The following MTUS1 variants were observed in gnomAD, a reference collection of about 807,000 sequenced individuals.
MTUS1 encodes microtubule-associated tumor suppressor 1.
MTUS1 carries 109 observed loss-of-function variants against 120.8 expected under a neutral mutation model. The ratio of observed to expected loss-of-function variants is 0.90; its 90% CI spans 0.77 to 1.06. The LOEUF (loss-of-function observed/expected upper bound fraction) is 1.06. Ranked by LOEUF, MTUS1 falls within the 50% of genes least tolerant of loss-of-function variation. MTUS1 has a pLI of 0.00. For synonymous variants in MTUS1, 737 were observed against 550.5 expected (o/e 1.34, Z -4.74); for missense variants, 2,210 against 1,486.3 (o/e 1.49, Z -8.01).
At chr8:17,649,368 T>C (rs1284166948) in intron 13 of MTUS1, among the ~76,000 whole-genome samples, 3 of 152,188 alleles carry the variant, frequency 2.0e-5, no homozygotes, top group Non-Finnish European at 4.4e-5. Context: ...CACGATTCTT[T>C]TATCACATGC....
At position 17,743,698 on chromosome 8, in the gene MTUS1, G is replaced by A; in HGVS notation, c.2193C>T (p.Pro731=). 2 of 1,614,166 alleles carry A rather than the reference G, an allele frequency of 1.2e-6. No homozygotes were observed. Among genetic ancestry groups the A allele is most frequent in the African/African-American group, 1.3e-5 (1 of 75,036 alleles). The change falls in exon 3 of 15, where the codon CCC becomes CCT. Residue 731 remains proline, a synonymous_variant. Transcript: ENST00000693296. ...QIAAPKAKVG[P]PVSCLRRNSD... ...TGTTCCGCCTCAAACAGGAAACAGGGGGCCCCACTTTGGCTTTTGGAGCAG... is the reference window on the plus strand; with the variant it reads ...TGTTCCGCCTCAAACAGGAAACAGGAGGCCCCACTTTGGCTTTTGGAGCAG...
intron 6 of MTUS1, among the ~76,000 whole-genome samples, chr8:17,708,117 G>C (rs1244010970): frequency 2.6e-5 from 4 of 152,162 alleles, no homozygotes; most frequent in African/African-American, 7.2e-5. Context: ...AGTGGACCTT[G>C]TCAAAATTTA....
chr8:17,646,926 A>G (rs1805915496), intron 14 of MTUS1, 56 bp downstream of exon 14: 16 of 1,305,524 alleles, frequency 1.2e-5, no homozygotes, highest in Admixed American at 1.2e-4. Flanking sequence ...CAGAAAGTAC[A>G]CTGGATGTCC....
chr8:17,681,959 A>G (rs1814611831), intron 7 of MTUS1, among the ~76,000 whole-genome samples: 2 of 152,228 alleles, frequency 1.3e-5, no homozygotes, highest in African/African-American at 4.8e-5. Flanking sequence ...GAGATATTTT[A>G]CATCCTTTGT....
chr8:17,786,634 T>C (rs2051324531), intron 1 of MTUS1, among the ~76,000 whole-genome samples: 1 of 152,146 alleles, frequency 6.6e-6, no homozygotes, highest in South Asian at 2.1e-4. Flanking sequence ...GTGAGGCAGT[T>C]GGGTTATAAA....
chr8:17,791,342 C>A (rs1413089832), intron 1 of MTUS1, among the ~76,000 whole-genome samples: 1 of 152,080 alleles, frequency 6.6e-6, no homozygotes, highest in African/African-American at 2.4e-5. Context: ...TACAAAATTG[C>A]TTTTATATTT....
At chr8:17,761,364 T>G (rs2049026114) in intron 1 of MTUS1, among the ~76,000 whole-genome samples, 1 of 152,208 alleles carries the variant, frequency 6.6e-6, no homozygotes, top group African/African-American at 2.4e-5. Context: ...TATTATCATA[T>G]AATAGAATTC....
chr8:17,647,147 C>T (rs1585370585), intron 13 of MTUS1, 68 bp from the exon 14 acceptor site: 1 of 1,189,284 alleles, frequency 8.4e-7, no homozygotes, highest in East Asian at 2.4e-5. Flanking sequence ...TCTTAAGGCA[C>T]CTCACGACAC....
At chr8:17,673,576 A>G (rs1204097859) in intron 8 of MTUS1, among the ~76,000 whole-genome samples, 3 of 152,134 alleles carry the variant, frequency 2.0e-5, no homozygotes, top group Admixed American at 6.5e-5. Flanking sequence ...CTCACACTCC[A>G]GAGTAGCTGG....
intron 3 of MTUS1, among the ~76,000 whole-genome samples, chr8:17,725,263 A>T (rs773116664): frequency 6.6e-6 from 1 of 152,188 alleles, no homozygotes; most frequent in Non-Finnish European, 1.5e-5. Context: ...ATGCTGCTGG[A>T]AAGTAATGCC....
intron 1 of MTUS1, among the ~76,000 whole-genome samples, chr8:17,783,762 C>G (rs1424873346): frequency 2.6e-5 from 4 of 152,070 alleles, no homozygotes; most frequent in Non-Finnish European, 5.9e-5. Flanking sequence ...CAACTAAGTA[C>G]CCCCAGCAGT....
intron 5 of MTUS1, among the ~76,000 whole-genome samples, chr8:17,713,819 G>A (rs759905902): frequency 1.3e-5 from 2 of 152,120 alleles, no homozygotes; most frequent in Non-Finnish European, 2.9e-5. Flanking sequence ...ATAATCATCT[G>A]CAGATACCAG....
At chr8:17,683,396 T>C (rs1815040398) in intron 7 of MTUS1, among the ~76,000 whole-genome samples, 1 of 152,234 alleles carries the variant, frequency 6.6e-6, no homozygotes, top group Non-Finnish European at 1.5e-5. Flanking sequence ...CAGGGGCCTC[T>C]GTATGAAACC....
rs201380303 is a variant in MTUS1, at chr8:17,654,649, A to T, written c.3126T>A (p.Ala1042=). The T allele has an allele frequency of 1.2e-4, 197 of 1,613,844 alleles. 1 individual carries two copies. In the Middle Eastern group the frequency reaches 1.5e-3, roughly 12 times the overall value. ...TTTCCAACTTAGAGGTTTCATGCGCAGCATTTAAGTTGTCAAACTGTAAGC... is the reference window on the plus strand; with the variant it reads ...TTTCCAACTTAGAGGTTTCATGCGCTGCATTTAAGTTGTCAAACTGTAAGC... ...QLQEQFDNLN[A]AHETSKLEIE... The change falls in exon 10 of 15, where the codon GCT becomes GCA. Residue 1042 remains alanine (A), a synonymous_variant. Coordinates refer to ENST00000693296, the MANE Select transcript of MTUS1 (RefSeq NM_001363059.2).
At chr8:17,757,910 T>C (rs1052251064) in intron 1 of MTUS1, among the ~76,000 whole-genome samples, 1 of 152,218 alleles carries the variant, frequency 6.6e-6, no homozygotes, top group Non-Finnish European at 1.5e-5. Context: ...AAGCTAGGAC[T>C]GCAAACAGGT....
chr8:17,676,982 G>C (rs1813259524), intron 7 of MTUS1, among the ~76,000 whole-genome samples: 1 of 152,180 alleles, frequency 6.6e-6, no homozygotes, highest in East Asian at 1.9e-4. Context: ...CGGAAGTCAA[G>C]TCTAAACGCC....
rs567496485 is a variant in MTUS1 at position 17,725,446 on chromosome 8, C to A, written c.2288-1613G>T. ...TCCATGTGTGCTCTGCTCCGATTAA[C>A]CTCGCTTTCTCTCTGACACCAGGGC... is the stretch of plus-strand genomic sequence containing the variant. On this transcript the variant is annotated intron_variant, in intron 3 of 14. Coordinates refer to ENST00000693296, the MANE Select transcript of MTUS1 (RefSeq NM_001363059.2). Among the ~76,000 whole-genome samples, 123 of 152,324 alleles carry A rather than the reference C, an allele frequency of 8.1e-4. 1 individual carries two copies. The Middle Eastern group carries it at 0.017, about 21-fold the overall frequency.
At chr8:17,767,707 A>AAAAACAAACAAACAAACAAACAAAC in intron 1 of MTUS1, among the ~76,000 whole-genome samples, 2 of 144,528 alleles carry the variant, frequency 1.4e-5, no homozygotes, top group Admixed American at 7.0e-5. Flanking sequence ...TCTTAAAAAA[A>AAAAACAAACAAACAAACAAACAAAC]AAAAAAAAAA....
intron 6 of MTUS1, among the ~76,000 whole-genome samples, chr8:17,693,765 C>CT (rs1817426090): frequency 6.6e-6 from 1 of 152,206 alleles, no homozygotes; most frequent in South Asian, 2.1e-4. Flanking sequence ...AACTGGTGCT[C>CT]TGTCTCCTTC....
Sources: allele counts gnomAD v4.1 joint callset (sites outside exome capture counted in the v4.1 genomes callset), GRCh38; gene constraint gnomAD v4.1.1; transcripts MANE v1.5; gene names NCBI Gene and HGNC (gene_info 2026-07-23, HGNC 2026-07-21).